ESRRG: variants seen among roughly 807,000 people sequenced by gnomAD.
The protein encoded by ESRRG is estrogen-related receptor gamma.
A neutral mutation model predicts 44.0 loss-of-function variants in ESRRG; 13 were observed. The observed-to-expected ratio is 0.30, with a 90% CI of 0.19 to 0.47. The LOEUF is 0.47. ESRRG is among the 20% of genes least tolerant of loss of function. The pLI is 1.00. For missense variants in ESRRG, 395 were observed against 580.6 expected (o/e 0.68, Z 3.29); for synonymous variants, 215 against 214.6 (o/e 1.00, Z -0.02).
intron 1 of ESRRG, among the ~76,000 whole-genome samples, chr1:217,043,241 A>G (rs2084209895): frequency 6.6e-6 from 1 of 152,168 alleles, no homozygotes. Context: ...TCCTAGACCC[A>G]GCAAAGTAAG....
At chr1:216,735,747 A>C (rs2089742896) in intron 2 of ESRRG, among the ~76,000 whole-genome samples, 1 of 151,966 alleles carries the variant, frequency 6.6e-6, no homozygotes, top group Non-Finnish European at 1.5e-5. Flanking sequence ...TTGGGAGACC[A>C]AGGTGGGTGG....
chr1:216,580,923 T>A (rs1391994755), intron 3 of ESRRG, among the ~76,000 whole-genome samples: 7 of 152,226 alleles, frequency 4.6e-5, no homozygotes, highest in Admixed American at 3.3e-4. Flanking sequence ...CCTTTTGTTC[T>A]TGATGATAAT....
chr1:216,624,889 T>A (rs1227628403), intron 3 of ESRRG, among the ~76,000 whole-genome samples: 1 of 152,186 alleles, frequency 6.6e-6, no homozygotes, highest in African/African-American at 2.4e-5. Context: ...TTACTATTTC[T>A]TCTCATCCGA....
chr1:216,716,692 C>T (rs2084950510), intron 1 of ESRRG, among the ~76,000 whole-genome samples: 1 of 151,880 alleles, frequency 6.6e-6, no homozygotes, highest in African/African-American at 2.4e-5. Context: ...ATGTACTTTT[C>T]AGTTCTTCTT....
At chr1:217,123,865 C>T (rs375674298) in intron 1 of ESRRG, among the ~76,000 whole-genome samples, 2 of 152,040 alleles carry the variant, frequency 1.3e-5, no homozygotes, top group East Asian at 1.9e-4. Context: ...ACACGCTCAC[C>T]TACGTAACAA....
chr1:217,102,456 A>G (rs1030337190), intron 1 of ESRRG, among the ~76,000 whole-genome samples: 21 of 152,216 alleles, frequency 1.4e-4, no homozygotes, highest in Middle Eastern at 6.3e-3. Context: ...TCTTTTACAG[A>G]TGAGGGAGTT....
At chr1:216,846,123 T>G (rs1225086418) in intron 2 of ESRRG, among the ~76,000 whole-genome samples, 8 of 152,134 alleles carry the variant, frequency 5.3e-5, no homozygotes, top group Non-Finnish European at 7.4e-5. Flanking sequence ...AATAACAACT[T>G]CATAGTTTGT....
chr1:216,762,255 C>A (rs1361627705), intron 2 of ESRRG, among the ~76,000 whole-genome samples: 1 of 151,996 alleles, frequency 6.6e-6, no homozygotes, highest in East Asian at 1.9e-4. Context: ...CACATGCACA[C>A]GTATGTTTAT....
Position 216,664,631 on chromosome 1 carries a change from T to G in ESRRG, c.472+12445A>C, listed in dbSNP as rs189109684. 2.1e-3 allele frequency among the ~76,000 whole-genome samples: 308 copies of G among 148,174 alleles called. 1 individual carries two copies. Among genetic ancestry groups the G allele is most frequent in the Non-Finnish European group, 3.9e-3 (261 of 67,436 alleles). ...TGTATATATAAATTTGGCATATCTATAAAATCTCTCAAAAATATTTAAACA... is the reference window on the plus strand; with the variant it reads ...TGTATATATAAATTTGGCATATCTAGAAAATCTCTCAAAAATATTTAAACA... On this transcript the variant is annotated intron_variant, in intron 2 of 6. Transcript: ENST00000408911.
intron 6 of ESRRG, among the ~76,000 whole-genome samples, chr1:216,512,734 G>A (rs1255674564): frequency 1.3e-5 from 2 of 152,090 alleles, no homozygotes; most frequent in Non-Finnish European, 2.9e-5. Flanking sequence ...CTAATATCTA[G>A]TATCTGTGAA....
intron 1 of ESRRG, among the ~76,000 whole-genome samples, chr1:217,067,088 C>T (rs978605232): frequency 3.9e-5 from 6 of 152,168 alleles, no homozygotes; most frequent in African/African-American, 1.4e-4. Context: ...TATGCAAACT[C>T]AACATTTAAT....
intron 2 of ESRRG, among the ~76,000 whole-genome samples, chr1:216,669,922 T>C (rs2074811030): frequency 6.6e-6 from 1 of 152,110 alleles, no homozygotes; most frequent in Non-Finnish European, 1.5e-5. Context: ...CAATGAATTA[T>C]ATACAACATT....
chr1:217,109,938 G>A (rs1001245985), intron 1 of ESRRG, among the ~76,000 whole-genome samples: 25 of 152,274 alleles, frequency 1.6e-4, no homozygotes, highest in African/African-American at 6.0e-4. Flanking sequence ...GGGTCTTTAA[G>A]TTGGAGTAGG....
At chr1:217,121,320 T>C (rs1426565988) in intron 1 of ESRRG, among the ~76,000 whole-genome samples, 2 of 152,186 alleles carry the variant, frequency 1.3e-5, no homozygotes, top group South Asian at 2.1e-4. Flanking sequence ...AGAGGAACTT[T>C]TGTGCTCTGC....
At chr1:216,896,597 C>T (rs930785657) in intron 2 of ESRRG, among the ~76,000 whole-genome samples, 2 of 152,102 alleles carry the variant, frequency 1.3e-5, no homozygotes, top group African/African-American at 2.4e-5. Flanking sequence ...TGAAGCAAAA[C>T]ATGTTTATTC....
intron 3 of ESRRG, among the ~76,000 whole-genome samples, chr1:216,626,234 C>G (rs1279749835): frequency 6.6e-6 from 1 of 152,178 alleles, no homozygotes; most frequent in Non-Finnish European, 1.5e-5. Flanking sequence ...TTCTGCAATA[C>G]CACGTTCTCT....
intron 1 of ESRRG, among the ~76,000 whole-genome samples, chr1:217,124,836 C>T (rs2092868003): frequency 6.6e-6 from 1 of 152,184 alleles, no homozygotes; most frequent in Non-Finnish European, 1.5e-5. Context: ...ATTCTATGCC[C>T]CTAGCCAAAG....
At chr1:216,738,354 A>G (rs1267960133) in intron 2 of ESRRG, among the ~76,000 whole-genome samples, 1 of 152,182 alleles carries the variant, frequency 6.6e-6, no homozygotes, top group African/African-American at 2.4e-5. Context: ...CTTTACTAAA[A>G]TAAGTCCTAT....
At chr1:216,520,315 T>A (rs1468852912) in intron 5 of ESRRG, among the ~76,000 whole-genome samples, 1 of 152,120 alleles carries the variant, frequency 6.6e-6, no homozygotes, top group Non-Finnish European at 1.5e-5. Flanking sequence ...AACCTGAAAT[T>A]CAGTAAGTGT....
Sources: allele counts gnomAD v4.1 joint callset (sites outside exome capture counted in the v4.1 genomes callset), GRCh38; gene constraint gnomAD v4.1.1; transcripts MANE v1.5; gene names NCBI Gene and HGNC (gene_info 2026-07-23, HGNC 2026-07-21).